The following RBMS3 variants were observed in gnomAD, a reference collection of about 807,000 sequenced individuals.
RBMS3 encodes RNA-binding motif, single-stranded-interacting protein 3.
In RBMS3, 27 loss-of-function variants were observed where a neutral mutation model predicts 66.8. The ratio of observed to expected loss-of-function variants is 0.40; its 90% CI spans 0.30 to 0.56. The LOEUF is 0.56. Among genes scored for constraint, RBMS3 ranks in the 20% least tolerant of loss-of-function variants. The pLI is 0.40. For synonymous variants in RBMS3, 188 were observed against 183.0 expected (o/e 1.03, Z -0.22); for missense variants, 513 against 549.5 (o/e 0.93, Z 0.66).
rs960417726 is a variant in RBMS3 at position 29,501,368 on chromosome 3, C to A, written c.307+12869C>A. Among the ~76,000 whole-genome samples, 3 of 152,130 alleles carry A rather than the reference C, an allele frequency of 2.0e-5. No individual in the cohort carries two copies. The East Asian group carries it at 5.8e-4, about 29-fold the overall frequency. On this transcript the variant is annotated intron_variant, in intron 3 of 14. Transcript: ENST00000383767. ...TACTAGTTTAGAGCCAACCCTTTGT[C>A]TCTGTTTACTGTTGCAGACATTTTA...
At chr3:29,600,012 G>A (rs1168766799) in intron 4 of RBMS3, among the ~76,000 whole-genome samples, 1 of 151,976 alleles carries the variant, frequency 6.6e-6, no homozygotes, top group Non-Finnish European at 1.5e-5. Context: ...TAAAATAAAT[G>A]TAAATAAAAA....
chr3:29,285,529 A>T (rs1039766788), intron 1 of RBMS3, among the ~76,000 whole-genome samples: 1 of 152,060 alleles, frequency 6.6e-6, no homozygotes, highest in African/African-American at 2.4e-5. Flanking sequence ...GTTGCCAATG[A>T]TGTTGCTCTC....
intron 10 of RBMS3, chr3:29,903,327 G>A (rs952217182): frequency 1.3e-5 from 2 of 151,976 alleles, no homozygotes; most frequent in African/African-American, 4.8e-5. Context: ...TAGACTCTGA[G>A]AAGACAGCAC....
chr3:29,311,039 T>C (rs2034343348), intron 1 of RBMS3, among the ~76,000 whole-genome samples: 1 of 151,786 alleles, frequency 6.6e-6, no homozygotes, highest in Admixed American at 6.6e-5. Context: ...GTGTTATCAC[T>C]CCTGAGTGCT....
intron 6 of RBMS3, chr3:29,797,663 G>C (rs980479021): frequency 1.3e-5 from 2 of 152,162 alleles, no homozygotes; most frequent in African/African-American, 2.4e-5. Context: ...ATATTTGCTA[G>C]AGGGAAGTGT....
At chr3:29,787,930 T>A (rs1375020881) in intron 6 of RBMS3, among the ~76,000 whole-genome samples, 2 of 152,216 alleles carry the variant, frequency 1.3e-5, no homozygotes, top group Non-Finnish European at 2.9e-5. Flanking sequence ...ATTCTTCTAA[T>A]GTACATTTGA....
chr3:29,906,664 C>G (rs1284789122), intron 10 of RBMS3, among the ~76,000 whole-genome samples: 12 of 151,788 alleles, frequency 7.9e-5, no homozygotes, highest in African/African-American at 1.9e-4. Flanking sequence ...ATTAATTGTT[C>G]AAAAGTATTG....
intron 2 of RBMS3, among the ~76,000 whole-genome samples, chr3:29,483,309 C>CAAAAAAA (rs72225547): frequency 3.7e-4 from 28 of 75,174 alleles, no homozygotes; most frequent in Non-Finnish European, 5.2e-4. Flanking sequence ...TTCGTCTTAA[C>CAAAAAAA]AAAAAAAAAA....
chr3:29,488,581 C>T, intron 3 of RBMS3, 82 bp downstream of exon 3: 4 of 1,274,460 alleles, frequency 3.1e-6, no homozygotes, highest in Non-Finnish European at 4.5e-6. Flanking sequence ...GTCCAGGTAC[C>T]AGCTGCACAA....
chr3:29,947,093 G>A (rs752543964), intron 12 of RBMS3, among the ~76,000 whole-genome samples: 1 of 151,492 alleles, frequency 6.6e-6, no homozygotes, highest in Non-Finnish European at 1.5e-5. Context: ...CAGATTAGCA[G>A]TTTCAATGAG....
chr3:29,451,092 A>G (rs2042004191), intron 2 of RBMS3, among the ~76,000 whole-genome samples: 1 of 152,200 alleles, frequency 6.6e-6, no homozygotes, highest in African/African-American at 2.4e-5. Flanking sequence ...TTGTGTCAAC[A>G]AATGTTAACT....
At chr3:29,288,469 C>T (rs1450955839) in intron 1 of RBMS3, among the ~76,000 whole-genome samples, 1 of 151,918 alleles carries the variant, frequency 6.6e-6, no homozygotes, top group African/African-American at 2.4e-5. Context: ...TAATCATGAC[C>T]TTTTCCAGCT....
At chr3:29,492,844 C>T (rs2043600842) in intron 3 of RBMS3, among the ~76,000 whole-genome samples, 1 of 152,118 alleles carries the variant, frequency 6.6e-6, no homozygotes, top group Non-Finnish European at 1.5e-5. Context: ...TAGTTTATAA[C>T]CCCTGAAGTA....
intron 4 of RBMS3, among the ~76,000 whole-genome samples, chr3:29,675,661 A>C (rs1025277952): frequency 3.9e-5 from 6 of 152,382 alleles, no homozygotes; most frequent in African/African-American, 1.4e-4. Context: ...TATGCAGCCA[A>C]CAGACACATG....
At chr3:29,965,485 T>G (rs1251122750) in intron 12 of RBMS3, among the ~76,000 whole-genome samples, 1 of 152,194 alleles carries the variant, frequency 6.6e-6, no homozygotes, top group African/African-American at 2.4e-5. Context: ...TTAGTGATTT[T>G]GAGCATTTTT....
At chr3:29,673,234 A>G (rs2051083205) in intron 4 of RBMS3, among the ~76,000 whole-genome samples, 2 of 152,224 alleles carry the variant, frequency 1.3e-5, no homozygotes, top group South Asian at 4.1e-4. Context: ...AATCTCTGGG[A>G]TACATTTGAA....
chr3:29,569,791 C>T (rs1284204977), intron 3 of RBMS3, among the ~76,000 whole-genome samples: 3 of 152,110 alleles, frequency 2.0e-5, no homozygotes, highest in Non-Finnish European at 2.9e-5. Context: ...TTGCCTATTT[C>T]CATTTCATTA....
rs1577308817 is a variant in RBMS3, at chr3:29,980,797, T to G, written c.1099-7346T>G. On this transcript the variant is annotated intron_variant, in intron 12 of 14. Coordinates refer to ENST00000383767, the MANE Select transcript of RBMS3 (RefSeq NM_001003793.3). Reference sequence around the variant, plus strand: ...TCTTTTCCCTTGGTCTATGTATCTGTTTTGGTACCAGTACTGTGCTGTTTT... The same window carrying G: ...TCTTTTCCCTTGGTCTATGTATCTGGTTTGGTACCAGTACTGTGCTGTTTT... Among the ~76,000 whole-genome samples, 3 of 152,292 alleles carry G rather than the reference T, an allele frequency of 2.0e-5. No individual in the cohort carries two copies. In the East Asian group the frequency reaches 5.8e-4, roughly 29 times the overall value.
intron 5 of RBMS3, among the ~76,000 whole-genome samples, chr3:29,748,194 C>T (rs1407418417): frequency 2.0e-5 from 3 of 152,032 alleles, no homozygotes; most frequent in Non-Finnish European, 4.4e-5. Flanking sequence ...GGCAAGAGAA[C>T]AATCCTGGCA....
Sources: allele counts gnomAD v4.1 joint callset (sites outside exome capture counted in the v4.1 genomes callset), GRCh38; gene constraint gnomAD v4.1.1; transcripts MANE v1.5; gene names NCBI Gene and HGNC (gene_info 2026-07-23, HGNC 2026-07-21).